Variants in DNAH3 observed in about 807,000 individuals in gnomAD.
DNAH3 encodes the protein dynein axonemal heavy chain 3, also known as axonemal beta dynein heavy chain 3.
Under a neutral mutation model 432.5 loss-of-function variants are expected in DNAH3, and 332 were observed. The ratio of observed to expected loss-of-function variants is 0.77; its 90% CI spans 0.70 to 0.84. DNAH3 has a LOEUF of 0.84. Ranked by LOEUF, DNAH3 falls within the 40% of genes least tolerant of loss-of-function variation. The probability of loss-of-function intolerance (pLI) is 0.00; values close to 1 mark genes in which losing one functional copy is unlikely to be tolerated. For missense variants in DNAH3, 4,861 were observed against 5,114.0 expected (o/e 0.95, Z 1.51); for synonymous variants, 1,956 against 1,900.2 (o/e 1.03, Z -0.76).
intron 51 of DNAH3, among the ~76,000 whole-genome samples, chr16:20,971,742 G>A (rs1371033898): frequency 3.3e-5 from 5 of 152,216 alleles, no homozygotes; most frequent in African/African-American, 7.2e-5. Flanking sequence ...TGACATTACA[G>A]AGCAGAATCT....
At chr16:20,933,613 A>G in intron 61 of DNAH3, 106 bp from the exon 62 acceptor site, 1 of 840,470 alleles carries the variant, frequency 1.2e-6, no homozygotes, top group Non-Finnish European at 1.8e-6. Flanking sequence ...TGGTTGCAAT[A>G]TCTACCTCTC....
At position 21,144,842 on chromosome 16, in the gene DNAH3, GCA is replaced by G. The variant is rs376601588; in HGVS notation, c.448+337_448+338del. On this transcript the variant is annotated intron_variant, in intron 3 of 61. Coordinates refer to ENST00000261383, the Ensembl canonical transcript of DNAH3. ...GAGTAAAAATTTCACTCCAGGCCAG[GCA>G]CAGTGGCTCATGCCTGTAATCCCAG... 1.3e-3 allele frequency among the ~76,000 whole-genome samples: 192 copies of G among 152,230 alleles called. 1 individual carries two copies. The highest frequency in any genetic ancestry group is 5.6e-3 in the Admixed American group (85 of 15,276).
chr16:21,023,145 T>C (rs1567653124), intron 39 of DNAH3, among the ~76,000 whole-genome samples: 1 of 152,178 alleles, frequency 6.6e-6, no homozygotes, highest in African/African-American at 2.4e-5. Flanking sequence ...TGTGGATCTA[T>C]ATAGATAATT....
intron 37 of DNAH3, among the ~76,000 whole-genome samples, chr16:21,029,132 C>T (rs1478901575): frequency 6.6e-6 from 1 of 152,222 alleles, no homozygotes; most frequent in Non-Finnish European, 1.5e-5. Context: ...TACTTCTAAT[C>T]TCAAGACCAA....
intron 9 of DNAH3, among the ~76,000 whole-genome samples, chr16:21,124,095 G>A: frequency 6.6e-6 from 1 of 152,188 alleles, no homozygotes; most frequent in East Asian, 1.9e-4. Flanking sequence ...CCTGGCCAGT[G>A]TTTTTAGTTT....
chr16:21,130,195 C>T (rs2092530029), intron 7 of DNAH3: 1 of 151,090 alleles, frequency 6.6e-6, no homozygotes, highest in Non-Finnish European at 1.5e-5. Flanking sequence ...GCTTGAGTGA[C>T]ACCTCCTAGA....
intron 19 of DNAH3, among the ~76,000 whole-genome samples, chr16:21,083,575 G>A (rs1261307288): frequency 6.6e-6 from 1 of 152,146 alleles, no homozygotes; most frequent in Non-Finnish European, 1.5e-5. Context: ...TAAAGTCTGT[G>A]CCCCAAACGT....
At chr16:21,058,042 T>C in intron 27 of DNAH3, 44 bp downstream of exon 27, 2 of 1,129,562 alleles carry the variant, frequency 1.8e-6, no homozygotes, top group East Asian at 2.3e-5. Context: ...AAATCCTAAT[T>C]GATGCTTGGA....
chr16:20,985,611 A>G (rs749919395), exon 48 of DNAH3: 1 of 1,614,106 alleles, frequency 6.2e-7, no homozygotes, highest in Non-Finnish European at 8.5e-7. Flanking sequence ...CAGTGATCTC[A>G]TCGTAGATTT....
intron 52 of DNAH3, 34 bp downstream of exon 52, chr16:20,969,758 G>A (rs575242287): frequency 6.2e-7 from 1 of 1,611,710 alleles, no homozygotes; most frequent in African/African-American, 1.3e-5. Context: ...GGAAAGAGCA[G>A]CCTGTGCAGG....
At chr16:21,058,021 A>G in intron 27 of DNAH3, 65 bp downstream of exon 27, 1 of 977,924 alleles carries the variant, frequency 1.0e-6, no homozygotes, top group Non-Finnish European at 1.7e-6. Context: ...TACTCTAATT[A>G]TACGTCATTC....
rs758369041 is a variant in DNAH3 at position 20,954,975 on chromosome 16, T to TG, written c.10908dup (p.Lys3637GlnfsTer14). The TG allele has an allele frequency of 7.4e-6, 12 of 1,614,162 alleles. No individual in the cohort carries two copies. The highest frequency in any genetic ancestry group is 1.0e-5 in the Non-Finnish European group (12 of 1,180,024). On this transcript the variant is annotated frameshift_variant, in exon 55 of 62. Coordinates refer to ENST00000261383, the Ensembl canonical transcript of DNAH3. LOFTEE classifies it high-confidence loss of function. ...CGCAACAGGTTGGCCCGGAGCCCTT[T>TG]GGGGGGCTCATTGGTCATTTTGATT...
exon 8 of DNAH3, chr16:21,127,778 T>C (rs2092472499): frequency 1.9e-6 from 3 of 1,614,162 alleles, no homozygotes; most frequent in Non-Finnish European, 2.5e-6. Context: ...CCCGCTAGTA[T>C]TTCTGCTGTT....
Position 20,988,073 on chromosome 16 carries a change from A to G in DNAH3, c.6602-8T>C, listed in dbSNP as rs1415240066. On this transcript the variant is annotated splice_region_variant and splice_polypyrimidine_tract_variant and intron_variant, in intron 44 of 61. Transcript: ENST00000261383. ...GATGGCGAGTGAATCGTCCTGGGGAATACAACACACAAGTGAATCATCCTG... is the reference window on the plus strand; with the variant it reads ...GATGGCGAGTGAATCGTCCTGGGGAGTACAACACACAAGTGAATCATCCTG... 2 of 1,613,796 alleles carry G rather than the reference A, an allele frequency of 1.2e-6. No individual in the cohort carries two copies. Among genetic ancestry groups the G allele is most frequent in the Non-Finnish European group, 8.5e-7 (1 of 1,180,000 alleles).
At chr16:21,150,890 G>A (rs1219536446) in intron 1 of DNAH3, 44 bp from the exon 1 acceptor site, 1 of 152,662 alleles carries the variant, frequency 6.6e-6, no homozygotes, top group African/African-American at 2.4e-5. Context: ...AGGGGCCTCT[G>A]CGGTGCCTAC....
intron 41 of DNAH3, among the ~76,000 whole-genome samples, chr16:21,013,719 CAAAAAAAAAA>C (rs557641711): frequency 4.2e-5 from 2 of 47,428 alleles, no homozygotes; most frequent in African/African-American, 8.8e-5. Flanking sequence ...AACTCCATCT[CAAAAAAAAAA>C]AAAAAAAAAA....
At chr16:20,983,841 A>AC (rs1359266129) in intron 48 of DNAH3, among the ~76,000 whole-genome samples, 1 of 151,852 alleles carries the variant, frequency 6.6e-6, no homozygotes, top group East Asian at 1.9e-4. Context: ...AGTGAACCCC[A>AC]CATCCCCGTC....
intron 3 of DNAH3, among the ~76,000 whole-genome samples, chr16:21,141,838 G>A (rs1166769298): frequency 6.6e-6 from 1 of 151,910 alleles, no homozygotes; most frequent in Admixed American, 6.6e-5. Context: ...ATCACCTGAG[G>A]TCAGGAGTTC....
chr16:20,970,294 G>A (rs981706826), intron 51 of DNAH3, among the ~76,000 whole-genome samples: 5 of 152,184 alleles, frequency 3.3e-5, no homozygotes, highest in Admixed American at 1.3e-4. Context: ...GGAGGCCAAC[G>A]TGGTGGATCA....
Sources: allele counts gnomAD v4.1 joint callset (sites outside exome capture counted in the v4.1 genomes callset), GRCh38; gene constraint gnomAD v4.1.1; transcripts MANE v1.5; gene names NCBI Gene and HGNC (gene_info 2026-07-23, HGNC 2026-07-21).